The following MIGA1 variants were observed in gnomAD, a reference collection of about 807,000 sequenced individuals.
The protein encoded by MIGA1 is mitoguardin 1.
A neutral mutation model predicts 82.0 loss-of-function variants in MIGA1; 58 were observed. The ratio of observed to expected loss-of-function variants is 0.71; its 90% CI spans 0.57 to 0.88. The LOEUF (loss-of-function observed/expected upper bound fraction) is 0.88, where lower values mean the gene tolerates loss of function less well. MIGA1 is among the 40% of genes least tolerant of loss of function. MIGA1 has a pLI of 0.00. For missense variants in MIGA1, 751 were observed against 749.1 expected, an observed-to-expected ratio of 1.00 and a Z score of -0.03; for synonymous variants, 249 against 253.6, an observed-to-expected ratio of 0.98 and a Z score of 0.17.
chr1:77,802,720 G>T (rs759757133), intron 3 of MIGA1, among the ~76,000 whole-genome samples: 6 of 151,902 alleles, frequency 3.9e-5, no homozygotes, highest in Non-Finnish European at 7.4e-5. Flanking sequence ...CGTCAGTGCT[G>T]CAGTGAGACA....
At chr1:77,863,643 G>A (rs187963163) in intron 12 of MIGA1, among the ~76,000 whole-genome samples, 1 of 152,306 alleles carries the variant, frequency 6.6e-6, no homozygotes, top group East Asian at 1.9e-4. Context: ...TAATAGAAGC[G>A]TGAACAAAGG....
intron 15 of MIGA1, among the ~76,000 whole-genome samples, chr1:77,874,453 A>G (rs2101990383): frequency 6.6e-6 from 1 of 152,296 alleles, no homozygotes; most frequent in Non-Finnish European, 1.5e-5. Context: ...AGTAGAGGCA[A>G]TGCTCAAAGG....
chr1:77,847,226 C>T, intron 8 of MIGA1: 1 of 1,133,124 alleles, frequency 8.8e-7, no homozygotes, highest in Non-Finnish European at 1.3e-6. Context: ...GATGAGACCT[C>T]CATGAGTGAA....
chr1:77,805,676 T>C (rs1338045935), intron 4 of MIGA1, among the ~76,000 whole-genome samples: 2 of 151,786 alleles, frequency 1.3e-5, no homozygotes, highest in Admixed American at 1.3e-4. Flanking sequence ...ATTACAGGCG[T>C]GCACCACCAC....
chr1:77,813,358 C>T (rs1683430839), intron 5 of MIGA1, among the ~76,000 whole-genome samples: 1 of 152,218 alleles, frequency 6.6e-6, no homozygotes, highest in South Asian at 2.1e-4. Flanking sequence ...TCTATCTTCC[C>T]ATTAGTTTTC....
chr1:77,796,005 C>T (rs1175229408), intron 2 of MIGA1, among the ~76,000 whole-genome samples: 2 of 152,032 alleles, frequency 1.3e-5, no homozygotes, highest in Admixed American at 6.6e-5. Flanking sequence ...AGACACCTGG[C>T]TCTCATTAAC....
chr1:77,866,135 T>TC (rs1685655369), intron 13 of MIGA1, among the ~76,000 whole-genome samples: 1 of 152,160 alleles, frequency 6.6e-6, no homozygotes, highest in Non-Finnish European at 1.5e-5. Flanking sequence ...CAGGATGGTC[T>TC]CCATCTCTTG....
intron 12 of MIGA1, among the ~76,000 whole-genome samples, chr1:77,862,982 G>GA (rs1404898720): frequency 1.3e-5 from 2 of 151,402 alleles, no homozygotes; most frequent in Non-Finnish European, 2.9e-5. Context: ...ACAAGCAGCT[G>GA]AAAGGCCTTC....
At chr1:77,834,621 A>G (rs1443605959) in intron 7 of MIGA1, among the ~76,000 whole-genome samples, 4 of 152,134 alleles carry the variant, frequency 2.6e-5, no homozygotes, top group Non-Finnish European at 5.9e-5. Flanking sequence ...TTTATATTCA[A>G]CTTTGTTCTT....
Position 77,873,022 on chromosome 1 carries a change from G to A in MIGA1, c.1582G>A (p.Ala528Thr). Residue 528 changes from alanine to threonine, a missense_variant, in exon 15 of 16, where the codon GCC becomes ACC. Coordinates refer to ENST00000370791, the MANE Select transcript of MIGA1 (RefSeq NM_198549.4). The stretch of plus-strand genomic sequence containing the variant: ...CCAGCAGATCCCAGATGGATTTTTT[G>A]CCCATTTTTATGCCATTTGTGAACA... 1.2e-6 allele frequency: 2 copies of A among 1,613,556 alleles called. No homozygotes were observed. The highest frequency in any genetic ancestry group is 1.7e-6 in the Non-Finnish European group (2 of 1,179,914).
rs1189426738 is a variant in MIGA1 at position 77,827,658 on chromosome 1, A to G, written c.895+12427A>G. Among the ~76,000 whole-genome samples the G allele has an allele frequency of 2.0e-5, 3 of 152,208 alleles. No individual in the cohort carries two copies. The East Asian group carries it at 5.8e-4, about 29-fold the overall frequency. On this transcript the variant is annotated intron_variant, in intron 7 of 15. Transcript: ENST00000370791. ...AGTGAGGATGGGTTTGCAGACCCTG[A>G]CCTTTCTCTAGAAAGTCTGCGAAGG... is the stretch of plus-strand genomic sequence containing the variant.
chr1:77,860,738 A>C (rs991368705), intron 11 of MIGA1: 3 of 153,500 alleles, frequency 2.0e-5, no homozygotes, highest in African/African-American at 7.2e-5. Flanking sequence ...TGATTAAATA[A>C]ATGATAAATG....
At chr1:77,842,732 G>A (rs1267991704) in intron 7 of MIGA1, among the ~76,000 whole-genome samples, 3 of 152,116 alleles carry the variant, frequency 2.0e-5, no homozygotes, top group African/African-American at 7.2e-5. Flanking sequence ...AGTAGAGACG[G>A]GGTTTCGCCA....
At chr1:77,839,380 CT>C (rs200832777) in intron 7 of MIGA1, among the ~76,000 whole-genome samples, 3 of 144,928 alleles carry the variant, frequency 2.1e-5, no homozygotes, top group African/African-American at 5.1e-5. Context: ...TGGTTTTTTT[CT>C]TTTTTTTTAG....
At chr1:77,850,052 A>G (rs1684989322) in intron 8 of MIGA1, among the ~76,000 whole-genome samples, 1 of 151,610 alleles carries the variant, frequency 6.6e-6, no homozygotes, top group Admixed American at 6.6e-5. Context: ...AAAAAAAAAA[A>G]GTATGAAGGC....
chr1:77,818,206 C>G (rs1683656187), intron 7 of MIGA1, among the ~76,000 whole-genome samples: 1 of 151,742 alleles, frequency 6.6e-6, no homozygotes, highest in Admixed American at 6.6e-5. Flanking sequence ...TCACCGCAAC[C>G]TCCGCCTCCC....
chr1:77,792,546 A>C (rs1416736787), intron 2 of MIGA1, among the ~76,000 whole-genome samples: 1 of 152,222 alleles, frequency 6.6e-6, no homozygotes, highest in African/African-American at 2.4e-5. Flanking sequence ...TCAAGGTTAC[A>C]TCTTAAGACT....
In MIGA1 at chr1:77,875,091, T is replaced by G; in HGVS notation, c.*27T>G. The G allele has an allele frequency of 6.5e-7, 1 of 1,530,596 alleles. No individual in the cohort carries two copies. Among genetic ancestry groups the G allele is most frequent in the Non-Finnish European group, 9.0e-7 (1 of 1,107,508 alleles). The allele number at this position is 1,530,596 out of a possible 1,614,324, so 94.8% of individuals were successfully genotyped here. On this transcript the variant is annotated 3_prime_UTR_variant, in exon 16 of 16. Transcript: ENST00000370791. Reference sequence around the variant, plus strand: ...TACCATAAGAATCATACAATTTGAGTGTGCTATGAAATATTTTAAGGTAAC... The same window carrying G: ...TACCATAAGAATCATACAATTTGAGGGTGCTATGAAATATTTTAAGGTAAC...
At chr1:77,812,256 G>T (rs573045009) in intron 5 of MIGA1, among the ~76,000 whole-genome samples, 37 of 152,312 alleles carry the variant, frequency 2.4e-4, no homozygotes, top group Admixed American at 4.6e-4. Context: ...ATCACCTGAG[G>T]TCAGGAGTTC....
Sources: gnomAD v4.1 joint callset for allele counts (sites outside exome capture counted in the v4.1 genomes callset) on GRCh38, gnomAD v4.1.1 for gene constraint, MANE v1.5 for transcripts, NCBI Gene and HGNC (gene_info 2026-07-23, HGNC 2026-07-21) for gene names.